Variants in MRRF observed in about 807,000 individuals in gnomAD.
The protein encoded by MRRF is mitochondrial ribosome recycling factor.
In MRRF, 18 loss-of-function variants were observed where a neutral mutation model predicts 25.1. The observed-to-expected ratio is 0.72, with a 90% CI of 0.50 to 1.06. The LOEUF is 1.06. MRRF is among the 50% of genes least tolerant of loss of function. The pLI, the probability that MRRF is intolerant of heterozygous loss-of-function variation, is 0.00. For synonymous variants in MRRF, 113 were observed against 112.1 expected (o/e 1.01, Z -0.05); for missense variants, 323 against 319.3 (o/e 1.01, Z -0.09).
At chr9:122,319,549 G>T (rs1835749895) in intron 6 of MRRF, among the ~76,000 whole-genome samples, 1 of 152,100 alleles carries the variant, frequency 6.6e-6, no homozygotes, top group East Asian at 1.9e-4. Context: ...GAGGTTGTTG[G>T]ATTTGAATGA....
At chr9:122,289,474 A>T (rs73557007) in intron 4 of MRRF, among the ~76,000 whole-genome samples, 3,923 of 152,176 alleles carry the variant, frequency 0.026, 152 homozygotes, top group African/African-American at 0.085. Context: ...GGTAGTGGTG[A>T]TGGGGTGTTA....
intron 4 of MRRF, among the ~76,000 whole-genome samples, chr9:122,287,873 G>A (rs1440910239): frequency 6.6e-6 from 1 of 152,130 alleles, no homozygotes; most frequent in Non-Finnish European, 1.5e-5. Context: ...TAAACAAATA[G>A]CTCTAACTAA....
At chr9:122,308,815 G>A (rs565289120) in intron 5 of MRRF, among the ~76,000 whole-genome samples, 11 of 151,460 alleles carry the variant, frequency 7.3e-5, no homozygotes, top group Admixed American at 4.0e-4. Context: ...TGATCCTTTC[G>A]CCTCAGCCTC....
intron 1 of MRRF, chr9:122,265,782 T>A: frequency 7.8e-7 from 1 of 1,286,756 alleles, no homozygotes; most frequent in Middle Eastern, 2.1e-4. Context: ...AGTGATAAGG[T>A]AGGCATACTG....
intron 5 of MRRF, among the ~76,000 whole-genome samples, chr9:122,308,154 CT>C (rs1402481985): frequency 6.6e-6 from 1 of 152,160 alleles, no homozygotes; most frequent in Non-Finnish European, 1.5e-5. Context: ...AAACCCCTGC[CT>C]TGTGCTAGAG....
rs73663061 is a variant in MRRF at position 122,271,741 on chromosome 9, T to C, written c.184+666T>C. 3.6e-3 allele frequency among the ~76,000 whole-genome samples: 547 copies of C among 152,366 alleles called. 4 individuals are homozygous for C. The highest frequency in any genetic ancestry group is 0.013 in the African/African-American group (521 of 41,590). ...CCTGATGAAGGTAGGTTCTATATTGTTCTTATTTAGCACCTAACAGGGCCT... is the reference window on the plus strand; with the variant it reads ...CCTGATGAAGGTAGGTTCTATATTGCTCTTATTTAGCACCTAACAGGGCCT... On this transcript the variant is annotated intron_variant, in intron 2 of 6. Transcript: ENST00000344641.
intron 5 of MRRF, among the ~76,000 whole-genome samples, chr9:122,304,564 T>G (rs890047335): frequency 3.3e-5 from 5 of 152,174 alleles, no homozygotes; most frequent in African/African-American, 1.2e-4. Context: ...AGGCTACTCT[T>G]GTCTCTGCCC....
intron 2 of MRRF, among the ~76,000 whole-genome samples, chr9:122,271,609 G>A (rs181440288): frequency 1.3e-5 from 2 of 152,296 alleles, no homozygotes; most frequent in East Asian, 1.9e-4. Context: ...GTCCCCTGTT[G>A]CCTGCACTCG....
intron 2 of MRRF, among the ~76,000 whole-genome samples, chr9:122,274,589 A>G (rs931621265): frequency 2.1e-5 from 3 of 144,614 alleles, no homozygotes; most frequent in Non-Finnish European, 4.6e-5. Flanking sequence ...TAGACTTTAA[A>G]TCATAGAATT....
At chr9:122,283,621 G>A (rs1012608627) in intron 3 of MRRF, among the ~76,000 whole-genome samples, 1 of 152,176 alleles carries the variant, frequency 6.6e-6, no homozygotes, top group Non-Finnish European at 1.5e-5. Context: ...ATTGAATCTG[G>A]TTGAGTATCT....
rs367626163 is a variant in MRRF, at chr9:122,297,048, C to T, written c.551+5208C>T. Among the ~76,000 whole-genome samples the T allele has an allele frequency of 6.6e-5, 10 of 152,292 alleles. 1 individual carries two copies. Among genetic ancestry groups the T allele is most frequent in the African/African-American group, 1.9e-4 (8 of 41,554 alleles). ...ATTTAAATGAGGCTAAGCACAGTGG[C>T]TTACACCTGTAATCCCAGCACTTTG... is the stretch of plus-strand genomic sequence containing the variant. On this transcript the variant is annotated intron_variant, in intron 5 of 6. Coordinates refer to ENST00000344641, the MANE Select transcript of MRRF (RefSeq NM_138777.5).
intron 4 of MRRF, chr9:122,285,793 TAAAAC>T (rs1833360560): frequency 2.3e-6 from 3 of 1,278,178 alleles, no homozygotes; most frequent in Non-Finnish European, 3.1e-6. Context: ...ATGAAGCAAA[TAAAAC>T]AATACTTTAA....
chr9:122,324,115 G>A lies in MRRF; in HGVS notation c.*1498G>A, dbSNP rs1836037957. The stretch of plus-strand genomic sequence containing the variant: ...TTCAATTCATTTCTGACATTACCTG[G>A]AAATAGTGTCAGATCCCACAGGTTG... On this transcript the variant is annotated 3_prime_UTR_variant, in exon 7 of 7. Transcript: ENST00000344641. 6.6e-6 allele frequency: 1 copy of A among 152,162 alleles called. No homozygotes were observed. The highest frequency in any genetic ancestry group is 2.4e-5 in the African/African-American group (1 of 41,432). The allele number at this position is 152,162 out of a possible 1,614,324, so 9.4% of individuals were successfully genotyped here. A position where few individuals can be genotyped will look rare whatever the true frequency, so the allele number is the denominator to read the frequency against.
chr9:122,296,766 A>T (rs1375868050), intron 5 of MRRF, among the ~76,000 whole-genome samples: 1 of 152,208 alleles, frequency 6.6e-6, no homozygotes, highest in Non-Finnish European at 1.5e-5. Context: ...ACAAATAAGA[A>T]TACACTCCCT....
At position 122,324,873 on chromosome 9, in the gene MRRF, A is replaced by G. The variant is rs1412015085; in HGVS notation, c.*2256A>G. ...CTCCTGCCCCACTTACCTGTCCTCT[A>G]ACCCCATCCACCAGCCCTAAGTGGT... is the stretch of plus-strand genomic sequence containing the variant. On this transcript the variant is annotated 3_prime_UTR_variant, in exon 7 of 7. Coordinates refer to ENST00000344641, the MANE Select transcript of MRRF (RefSeq NM_138777.5). 3 of 152,258 alleles carry G rather than the reference A, an allele frequency of 2.0e-5. No individual in the cohort carries two copies. The highest frequency in any genetic ancestry group is 6.5e-5 in the Admixed American group (1 of 15,288). The allele number at this position is 152,258 out of a possible 1,614,324, so 9.4% of individuals were successfully genotyped here.
intron 5 of MRRF, among the ~76,000 whole-genome samples, chr9:122,302,884 A>T (rs975427000): frequency 2.0e-5 from 3 of 152,144 alleles, no homozygotes; most frequent in Admixed American, 1.3e-4. Flanking sequence ...ACTTGTTATG[A>T]TTATCATCCT....
intron 5 of MRRF, among the ~76,000 whole-genome samples, chr9:122,303,717 C>T (rs1356303376): frequency 6.6e-6 from 1 of 152,120 alleles, no homozygotes; most frequent in Non-Finnish European, 1.5e-5. Context: ...GGATTTAATA[C>T]AGAGGAGGAA....
chr9:122,309,708 C>G (rs909705798), intron 5 of MRRF, among the ~76,000 whole-genome samples: 1 of 152,158 alleles, frequency 6.6e-6, no homozygotes, highest in East Asian at 1.9e-4. Flanking sequence ...TGGTAAACTC[C>G]TGTGTATTTA....
At chr9:122,316,229 G>A (rs1361819441) in intron 6 of MRRF, among the ~76,000 whole-genome samples, 1 of 152,088 alleles carries the variant, frequency 6.6e-6, no homozygotes, top group African/African-American at 2.4e-5. Flanking sequence ...AGGCTGGAGT[G>A]CAGTGGTGCA....
Sources: allele counts gnomAD v4.1 joint callset (sites outside exome capture counted in the v4.1 genomes callset), GRCh38; gene constraint gnomAD v4.1.1; transcripts MANE v1.5; gene names NCBI Gene and HGNC (gene_info 2026-07-23, HGNC 2026-07-21).